The following KCNIP4 variants were observed in gnomAD, a reference collection of about 807,000 sequenced individuals.
KCNIP4 encodes the protein potassium voltage-gated channel interacting protein 4.
In KCNIP4, 12 loss-of-function variants were observed where a neutral mutation model predicts 34.0. The observed-to-expected ratio is 0.35, with a 90% CI of 0.23 to 0.57. KCNIP4 has a LOEUF of 0.57. KCNIP4 is among the 20% of genes least tolerant of loss of function. KCNIP4 has a pLI of 0.83. For synonymous variants in KCNIP4, 124 were observed against 102.2 expected (o/e 1.21, Z -1.29); for missense variants, 238 against 311.7 (o/e 0.76, Z 1.78).
At chr4:21,084,094 A>G (rs1414068594) in intron 1 of KCNIP4, among the ~76,000 whole-genome samples, 1 of 151,862 alleles carries the variant, frequency 6.6e-6, no homozygotes, top group Non-Finnish European at 1.5e-5. Flanking sequence ...CTCCAGCAGG[A>G]CTGGAACATT....
At position 21,809,919 on chromosome 4, in the gene KCNIP4, G is replaced by T. The variant is rs1051907709; in HGVS notation, c.61+138652C>A. Among the ~76,000 whole-genome samples, 6 of 152,312 alleles carry T rather than the reference G, an allele frequency of 3.9e-5. No individual in the cohort carries two copies. The South Asian group carries it at 1.0e-3, about 26-fold the overall frequency. ...TTTAGAACTGACATCCTAGAAAGAA[G>T]TAAGGCATTAATCCAATTATCATGA... On this transcript the variant is annotated intron_variant, in intron 1 of 8. Coordinates refer to ENST00000382152, the MANE Select transcript of KCNIP4 (RefSeq NM_025221.6).
chr4:21,291,487 A>G (rs1295940636), intron 1 of KCNIP4, among the ~76,000 whole-genome samples: 1 of 152,192 alleles, frequency 6.6e-6, no homozygotes, highest in Non-Finnish European at 1.5e-5. Flanking sequence ...CAAACTTTCC[A>G]AAAGCTAATA....
At chr4:21,622,789 T>C (rs1222812650) in intron 1 of KCNIP4, among the ~76,000 whole-genome samples, 2 of 152,194 alleles carry the variant, frequency 1.3e-5, no homozygotes, top group South Asian at 2.1e-4. Flanking sequence ...AGGAGTGACC[T>C]GAATTTTACA....
chr4:21,801,387 T>G (rs33939152), intron 1 of KCNIP4, among the ~76,000 whole-genome samples: 59,978 of 151,810 alleles, frequency 0.4, 13,328 homozygotes, highest in Non-Finnish European at 0.52. Flanking sequence ...GTGGCTTTGT[T>G]CCTGGCAAGA....
At chr4:21,698,309 A>T (rs780442318) in intron 1 of KCNIP4, among the ~76,000 whole-genome samples, 6 of 152,188 alleles carry the variant, frequency 3.9e-5, no homozygotes, top group Non-Finnish European at 7.4e-5. Flanking sequence ...AGAAACCAGA[A>T]ATCTTAAGCC....
chr4:21,866,052 T>C (rs112804908), intron 1 of KCNIP4, among the ~76,000 whole-genome samples: 1 of 152,134 alleles, frequency 6.6e-6, no homozygotes, highest in Non-Finnish European at 1.5e-5. Context: ...GCAACAAGAC[T>C]AGAAGAGTTA....
intron 1 of KCNIP4, among the ~76,000 whole-genome samples, chr4:21,938,326 G>A (rs115325097): frequency 6.6e-6 from 1 of 151,978 alleles, no homozygotes; most frequent in Non-Finnish European, 1.5e-5. Flanking sequence ...TTAGATTCAG[G>A]GCTTCTTTTC....
intron 1 of KCNIP4, among the ~76,000 whole-genome samples, chr4:21,143,726 T>G (rs896904637): frequency 1.3e-5 from 2 of 151,316 alleles, no homozygotes; most frequent in Non-Finnish European, 2.9e-5. Flanking sequence ...TTTTTTGAGA[T>G]GGAGTCTCAC....
intron 1 of KCNIP4, among the ~76,000 whole-genome samples, chr4:21,303,648 T>C (rs1489285367): frequency 6.6e-6 from 1 of 152,200 alleles, no homozygotes; most frequent in Non-Finnish European, 1.5e-5. Flanking sequence ...AAAAAGTTTA[T>C]TTCATTAATC....
chr4:20,993,063 A>G (rs1737231071), intron 1 of KCNIP4, among the ~76,000 whole-genome samples: 1 of 151,376 alleles, frequency 6.6e-6, no homozygotes, highest in Non-Finnish European at 1.5e-5. Flanking sequence ...AGAGCACAGA[A>G]TAAATGTTTA....
At chr4:21,597,074 T>C (rs1160868931) in intron 1 of KCNIP4, among the ~76,000 whole-genome samples, 2 of 152,040 alleles carry the variant, frequency 1.3e-5, no homozygotes, top group Non-Finnish European at 1.5e-5. Flanking sequence ...TGATAAAATA[T>C]TGTTCATTGA....
chr4:21,903,104 C>A (rs1326851627), intron 1 of KCNIP4, among the ~76,000 whole-genome samples: 3 of 152,124 alleles, frequency 2.0e-5, no homozygotes, highest in African/African-American at 4.8e-5. Context: ...GCCACTGGTG[C>A]AAACTGCTAA....
At chr4:21,441,130 C>T (rs1727431169) in intron 1 of KCNIP4, among the ~76,000 whole-genome samples, 1 of 150,640 alleles carries the variant, frequency 6.6e-6, no homozygotes, top group Non-Finnish European at 1.5e-5. Context: ...TTGTTTATGA[C>T]ACCTTTCTTT....
chr4:21,697,750 C>T, intron 1 of KCNIP4: 2 of 958,962 alleles, frequency 2.1e-6, no homozygotes, highest in South Asian at 7.5e-5. Flanking sequence ...TGGTTCGGCT[C>T]GGCATCCCCT....
chr4:21,935,956 T>A (rs1216513070), intron 1 of KCNIP4, among the ~76,000 whole-genome samples: 1 of 101,628 alleles, frequency 9.8e-6, no homozygotes, highest in Non-Finnish European at 1.9e-5. Flanking sequence ...CCAAAAGAAA[T>A]GAAGATTATA....
chr4:20,861,027 C>T (rs1023973707), intron 2 of KCNIP4, among the ~76,000 whole-genome samples: 4 of 152,070 alleles, frequency 2.6e-5, no homozygotes, highest in African/African-American at 9.7e-5. Context: ...CCACTGCTCA[C>T]AAAGCTCAAA....
At chr4:20,761,603 GAAAGTTGCCTGGGAGTTA>G (rs1420887933) in intron 3 of KCNIP4, among the ~76,000 whole-genome samples, 3 of 152,114 alleles carry the variant, frequency 2.0e-5, no homozygotes, top group Non-Finnish European at 2.9e-5. Flanking sequence ...GTTAGAGCTG[GAAAGTTGCCTGGGAGTTA>G]AAAGTTGATG....
intron 1 of KCNIP4, among the ~76,000 whole-genome samples, chr4:20,964,868 T>C (rs1056694291): frequency 3.9e-5 from 6 of 152,186 alleles, no homozygotes; most frequent in African/African-American, 1.4e-4. Context: ...GAGTAAGATT[T>C]CTTTATTATG....
At chr4:21,209,952 T>C (rs1210144326) in intron 1 of KCNIP4, among the ~76,000 whole-genome samples, 1 of 152,198 alleles carries the variant, frequency 6.6e-6, no homozygotes, top group Non-Finnish European at 1.5e-5. Flanking sequence ...GCATTGTTCA[T>C]GCTCAAATGC....
Sources: gnomAD v4.1 joint callset for allele counts (sites outside exome capture counted in the v4.1 genomes callset) on GRCh38, gnomAD v4.1.1 for gene constraint, MANE v1.5 for transcripts, NCBI Gene and HGNC (gene_info 2026-07-23, HGNC 2026-07-21) for gene names.